ATP2C2: variants seen among roughly 807,000 people sequenced by gnomAD.
ATP2C2 encodes ATPase secretory pathway Ca2+ transporting 2.
ATP2C2 carries 171 observed loss-of-function variants against 110.8 expected under a neutral mutation model. The observed-to-expected ratio is 1.54, with a 90% CI of 1.36 to 1.75. The LOEUF (loss-of-function observed/expected upper bound fraction) is 1.75. ATP2C2 is among the 40% of genes most tolerant of loss of function. The probability of loss-of-function intolerance (pLI) is 0.00; values close to 1 mark genes in which losing one functional copy is unlikely to be tolerated. For synonymous variants in ATP2C2, 804 were observed against 508.4 expected, an observed-to-expected ratio of 1.58 and a Z score of -7.82; for missense variants, 1,963 against 1,235.0, an observed-to-expected ratio of 1.59 and a Z score of -8.84.
rs1555553736 is a variant in ATP2C2 at position 84,397,670 on chromosome 16, A to AAAAAAAAAAC, written c.100-826_100-825insAAAAAACAAA. Among the ~76,000 whole-genome samples the AAAAAAAAAAC allele has an allele frequency of 6.9e-4, 100 of 145,884 alleles. 6 individuals carry two copies. Among genetic ancestry groups the AAAAAAAAAAC allele is most frequent in the Non-Finnish European group, 1.3e-3 (85 of 65,156 alleles). ...GCCTGGGTGACAAAAAAAAAAAAAA[A>AAAAAAAAAAC]AAACTTGCTTAAAAATAGATGCATC... On this transcript the variant is annotated intron_variant, in intron 1 of 26. Transcript: ENST00000262429.
chr16:84,429,942 C>T (rs74603052), intron 11 of ATP2C2, among the ~76,000 whole-genome samples: 15 of 152,308 alleles, frequency 9.8e-5, no homozygotes, highest in Middle Eastern at 3.4e-3. Flanking sequence ...CTTCTGGTGT[C>T]ACAGGCAGTC....
At chr16:84,370,056 T>A (rs1052326156) in intron 1 of ATP2C2, among the ~76,000 whole-genome samples, 2 of 152,246 alleles carry the variant, frequency 1.3e-5, no homozygotes, top group Non-Finnish European at 2.9e-5. Context: ...ATCTTTTGAT[T>A]CTTGCATCAG....
In ATP2C2 at chr16:84,460,701, G is replaced by A. The variant is rs201610989; in HGVS notation, c.2381G>A (p.Arg794Gln). 5.0e-4 allele frequency: 801 copies of A among 1,614,080 alleles called. No homozygotes were observed. Among genetic ancestry groups the A allele is most frequent in the Non-Finnish European group, 6.3e-4 (747 of 1,180,048 alleles). The change falls in exon 24 of 27, where the codon CGG (arginine) becomes CAG (glutamine). Residue 794 changes from arginine to glutamine, a missense_variant. Arg to Gln is a conservative substitution (Grantham distance 43, BLOSUM62 1). Coordinates refer to ENST00000262429, the MANE Select transcript of ATP2C2 (RefSeq NM_014861.4). ...AAAGACGCCTTCAGGCAGCCACCAC[G>A]GAGTGTGCGGGACACCATCCTCAGC... Reference protein sequence around the residue: ...VDKDAFRQPPRSVRDTILSRA... With the variant: ...VDKDAFRQPPQSVRDTILSRA...
chr16:84,462,670 C>A, intron 26 of ATP2C2: 1 of 153,348 alleles, frequency 6.5e-6, no homozygotes. Flanking sequence ...TGGCACCTTT[C>A]TCTGAAGCTG....
chr16:84,400,331 T>G (rs1905240330), intron 2 of ATP2C2, among the ~76,000 whole-genome samples: 2 of 145,128 alleles, frequency 1.4e-5, no homozygotes, highest in Admixed American at 6.9e-5. Context: ...AGTTTTTTGT[T>G]GTTTTTTTTT....
intron 17 of ATP2C2, among the ~76,000 whole-genome samples, chr16:84,449,946 G>T (rs983297879): frequency 6.6e-6 from 1 of 152,242 alleles, no homozygotes; most frequent in South Asian, 2.1e-4. Context: ...TTAAGTGCCT[G>T]TGTGAGGCCA....
chr16:84,442,420 C>A lies in ATP2C2; in HGVS notation c.1312-90C>A, dbSNP rs998631792. On this transcript the variant is annotated intron_variant, in intron 14 of 26. Coordinates refer to ENST00000262429, the MANE Select transcript of ATP2C2 (RefSeq NM_014861.4). ...TAAAGAGCAAGTCTTGTCCCCACAA[C>A]CCCAGCTGTAAAAATGGGACAGGCC... 3 of 1,233,778 alleles carry A rather than the reference C, an allele frequency of 2.4e-6. No individual in the cohort carries two copies. In the African/African-American group the frequency reaches 4.5e-5, roughly 18 times the overall value. 76.4% of individuals were successfully genotyped at this position (1,233,778 alleles called of 1,614,324 possible). A position where few individuals can be genotyped will look rare whatever the true frequency, so the allele number is the denominator to read the frequency against.
chr16:84,411,676 A>G (rs534406101), intron 6 of ATP2C2, among the ~76,000 whole-genome samples: 1 of 152,200 alleles, frequency 6.6e-6, no homozygotes, highest in African/African-American at 2.4e-5. Context: ...TCCTGACCTC[A>G]GATGATCTGC....
chr16:84,425,694 T>C, intron 10 of ATP2C2, 41 bp from the exon 11 acceptor site: 2 of 1,594,820 alleles, frequency 1.3e-6, no homozygotes, highest in Non-Finnish European at 1.7e-6. Context: ...TCAGCGTGTG[T>C]AGTGCATATG....
intron 11 of ATP2C2, among the ~76,000 whole-genome samples, chr16:84,433,604 A>G (rs1457309198): frequency 1.3e-5 from 2 of 151,964 alleles, no homozygotes; most frequent in Admixed American, 6.6e-5. Flanking sequence ...GCGAGCCGAG[A>G]TCGCACCACT....
intron 11 of ATP2C2, among the ~76,000 whole-genome samples, chr16:84,438,342 C>G (rs907793885): frequency 6.6e-6 from 1 of 152,228 alleles, no homozygotes; most frequent in Non-Finnish European, 1.5e-5. Context: ...AGGCATCATA[C>G]CTTTCCACCA....
chr16:84,408,354 T>G, intron 3 of ATP2C2, 51 bp from the exon 4 acceptor site: 2 of 1,553,264 alleles, frequency 1.3e-6, no homozygotes, highest in Non-Finnish European at 1.8e-6. Context: ...AGAAACCCAT[T>G]CTGGTCCCTG....
intron 3 of ATP2C2, chr16:84,407,217 C>T (rs1051383034): frequency 6.6e-6 from 1 of 152,210 alleles, no homozygotes; most frequent in Non-Finnish European, 1.5e-5. Context: ...CACAAGGCAG[C>T]CCTGTTCCTC....
intron 1 of ATP2C2, among the ~76,000 whole-genome samples, chr16:84,372,097 G>C (rs996554628): frequency 2.6e-5 from 4 of 152,184 alleles, no homozygotes; most frequent in African/African-American, 9.7e-5. Context: ...GGGTTGGTAG[G>C]ATGAGGCTGC....
intron 11 of ATP2C2, among the ~76,000 whole-genome samples, chr16:84,431,850 G>C (rs34349191): frequency 0.31 from 47,188 of 151,882 alleles, 7,601 homozygotes; most frequent in African/African-American, 0.37. Context: ...TGATTTAGAG[G>C]CCGAAGGAAG....
chr16:84,447,769 TATA>T (rs1172935691), intron 16 of ATP2C2, among the ~76,000 whole-genome samples: 3 of 141,094 alleles, frequency 2.1e-5, no homozygotes, highest in Non-Finnish European at 3.0e-5. Context: ...ATATAAATAA[TATA>T]ATGTAATATA....
intron 1 of ATP2C2, among the ~76,000 whole-genome samples, chr16:84,389,317 G>C (rs553119212): frequency 6.6e-6 from 1 of 152,138 alleles, no homozygotes; most frequent in Non-Finnish European, 1.5e-5. Flanking sequence ...TAGATTCCCC[G>C]CGATCTGCAC....
chr16:84,369,818 A>G (rs1287672176), intron 1 of ATP2C2, among the ~76,000 whole-genome samples: 1 of 152,248 alleles, frequency 6.6e-6, no homozygotes, highest in Admixed American at 6.5e-5. Flanking sequence ...CTGTTGATGT[A>G]AGAATTCTGG....
Position 84,452,103 on chromosome 16 carries a change from A to T in ATP2C2, c.1831+12A>T. 1 of 1,613,936 alleles carries T rather than the reference A, an allele frequency of 6.2e-7. No homozygotes were observed. The highest frequency in any genetic ancestry group is 8.5e-7 in the Non-Finnish European group (1 of 1,179,942). On this transcript the variant is annotated intron_variant, in intron 18 of 26. Coordinates refer to ENST00000262429, the MANE Select transcript of ATP2C2 (RefSeq NM_014861.4). ...GGCCTTGGCCATAGGTAACTGGGAC[A>T]GGGTCGGGGGTGAGGACGAAAGGAC...
Sources: allele counts gnomAD v4.1 joint callset (sites outside exome capture counted in the v4.1 genomes callset), GRCh38; gene constraint gnomAD v4.1.1; transcripts MANE v1.5; gene names NCBI Gene and HGNC (gene_info 2026-07-23, HGNC 2026-07-21).